The following CCZ1 variants were observed in gnomAD, a reference collection of about 807,000 sequenced individuals.
CCZ1 encodes the protein CCZ1 vacuolar protein trafficking and biogenesis associated, also known as vacuolar fusion protein CCZ1 homolog.
CCZ1 carries 19 observed loss-of-function variants against 57.8 expected under a neutral mutation model. That is an observed-to-expected ratio of 0.33 (90% CI 0.23 to 0.48). CCZ1 has a LOEUF of 0.48. CCZ1 is among the 20% of genes least tolerant of loss of function. The pLI is 0.99. For missense variants in CCZ1, 200 were observed against 492.0 expected, an observed-to-expected ratio of 0.41 and a Z score of 5.61; for synonymous variants, 81 against 167.0, an observed-to-expected ratio of 0.49 and a Z score of 3.97.
chr7:5,920,520 A>G (rs1583192438), intron 12 of CCZ1, among the ~76,000 whole-genome samples: 1 of 95,706 alleles, frequency 1.0e-5, no homozygotes, highest in African/African-American at 4.3e-5. Context: ...CCCAGGCTGG[A>G]GTGTGCAGTG....
intron 1 of CCZ1, among the ~76,000 whole-genome samples, chr7:5,899,826 T>G (rs1446998227): frequency 6.6e-6 from 1 of 151,746 alleles, no homozygotes; most frequent in South Asian, 2.1e-4. Context: ...GATTTAATTT[T>G]CAGGGAGCTA....
At chr7:5,910,900 T>C (rs1332221937) in intron 8 of CCZ1, among the ~76,000 whole-genome samples, 2 of 146,286 alleles carry the variant, frequency 1.4e-5, no homozygotes, top group Non-Finnish European at 3.0e-5. Context: ...CATGCCCGGC[T>C]AATTTTTATA....
At chr7:5,902,427 T>G (rs879569538) in intron 5 of CCZ1, 2 of 623,420 alleles carry the variant, frequency 3.2e-6, no homozygotes, top group Non-Finnish European at 4.5e-6. Flanking sequence ...TTGAAATTTT[T>G]GAAAGATGCC....
chr7:5,908,324 C>CGT (rs1781883134), intron 7 of CCZ1, among the ~76,000 whole-genome samples: 1 of 101,450 alleles, frequency 9.9e-6, no homozygotes, highest in South Asian at 3.0e-4. Flanking sequence ...GAAAAAAAAA[C>CGT]TTGTCACAAG....
At chr7:5,909,062 A>G (rs1781902204) in intron 7 of CCZ1, among the ~76,000 whole-genome samples, 1 of 146,208 alleles carries the variant, frequency 6.8e-6, no homozygotes, top group African/African-American at 2.5e-5. Flanking sequence ...GGTTTCCTGC[A>G]TAATCCTACA....
chr7:5,911,082 G>A (rs1395881206), intron 8 of CCZ1, among the ~76,000 whole-genome samples: 2 of 148,908 alleles, frequency 1.3e-5, no homozygotes, highest in Non-Finnish European at 3.0e-5. Flanking sequence ...TAAAATGCCA[G>A]TGATCTTTAA....
rs538206685 is a variant in CCZ1 at position 5,900,386 on chromosome 7, T to A, written c.218+5T>A. Reference sequence around the variant, plus strand: ...AGCTATTGTACAGTTTACAAGGTAATACCTCTAAGTGTGCTTTTAGCGTTC... The same window carrying A: ...AGCTATTGTACAGTTTACAAGGTAAAACCTCTAAGTGTGCTTTTAGCGTTC... On this transcript the variant is annotated splice_donor_5th_base_variant and intron_variant, in intron 2 of 14. Coordinates refer to ENST00000325974, the MANE Select transcript of CCZ1 (RefSeq NM_015622.6). 6 of 1,555,994 alleles carry A rather than the reference T, an allele frequency of 3.9e-6. No individual in the cohort carries two copies. The highest frequency in any genetic ancestry group is 3.5e-5 in the South Asian group (3 of 86,458).
chr7:5,906,960 T>A (rs1348787680), intron 7 of CCZ1, among the ~76,000 whole-genome samples: 3 of 148,040 alleles, frequency 2.0e-5, no homozygotes, highest in African/African-American at 7.5e-5. Flanking sequence ...CCCTGCCTCC[T>A]GGGTTCAAGC....
rs150498434 is a variant in CCZ1 at position 5,902,972 on chromosome 7, C to T, written c.522+228C>T. On this transcript the variant is annotated intron_variant, in intron 6 of 14. Coordinates refer to ENST00000325974, the MANE Select transcript of CCZ1 (RefSeq NM_015622.6). ...TAAGGCAGAGCTTCCTGCGTTTGCC[C>T]GGGGCTCTTAAAGGGTCCTGGAGAC... Among the ~76,000 whole-genome samples, 19 of 145,064 alleles carry T rather than the reference C, an allele frequency of 1.3e-4. 4 individuals are homozygous for T. In the East Asian group the frequency reaches 1.7e-3, roughly 13 times the overall value.
intron 3 of CCZ1, 79 bp downstream of exon 3, chr7:5,900,645 A>C: frequency 7.2e-7 from 1 of 1,382,552 alleles, no homozygotes; most frequent in Non-Finnish European, 9.6e-7. Flanking sequence ...AATTTAGGAA[A>C]GTTCTCTGGC....
At chr7:5,903,376 C>A (rs1162297702) in intron 6 of CCZ1, among the ~76,000 whole-genome samples, 1 of 145,328 alleles carries the variant, frequency 6.9e-6, no homozygotes, top group Non-Finnish European at 1.5e-5. Flanking sequence ...TCCTTGGCCT[C>A]CCAAAGTGCT....
rs939785339 is a variant in CCZ1, at chr7:5,905,402, T to C, written c.698+133T>C. ...TGGGTAGGAAGCATCTTCATAGATA[T>C]TGTCAAAATAAAGCAGTGATTATTT... is the stretch of plus-strand genomic sequence containing the variant. On this transcript the variant is annotated intron_variant, in intron 7 of 14. Transcript: ENST00000325974. 28 of 583,586 alleles carry C rather than the reference T, an allele frequency of 4.8e-5. 1 individual carries two copies. Among genetic ancestry groups the C allele is most frequent in the South Asian group, 8.5e-5 (4 of 46,936 alleles). 36.2% of individuals were successfully genotyped at this position (583,586 alleles called of 1,614,324 possible).
intron 6 of CCZ1, 24 bp downstream of exon 6, chr7:5,902,768 T>C (rs1233893851): frequency 1.4e-5 from 22 of 1,587,352 alleles, no homozygotes; most frequent in Non-Finnish European, 1.9e-5. Context: ...ATTTCATTTA[T>C]AACTTTAGTA....
At chr7:5,899,383 G>GTGTGTGTGTGT (rs1781631584) in intron 1 of CCZ1, among the ~76,000 whole-genome samples, 1 of 94,642 alleles carries the variant, frequency 1.1e-5, no homozygotes, top group Non-Finnish European at 2.3e-5. Flanking sequence ...GTGTGTGTGT[G>GTGTGTGTGTGT]GTTTTTCTGA....
intron 5 of CCZ1, 123 bp from the exon 6 acceptor site, chr7:5,902,538 T>G (rs886624027): frequency 2.0e-5 from 28 of 1,370,148 alleles, no homozygotes; most frequent in South Asian, 1.6e-4. Flanking sequence ...ATATTCTCTG[T>G]TGGAAAGAAC....
At chr7:5,913,554 T>TGAGGG (rs1223601953) in intron 10 of CCZ1, among the ~76,000 whole-genome samples, 1 of 147,760 alleles carries the variant, frequency 6.8e-6, no homozygotes, top group Non-Finnish European at 1.5e-5. Context: ...TGTGTCAGGA[T>TGAGGG]GAGGGAGTCC....
rs917019945 is a variant in CCZ1, at chr7:5,901,536, G to C, written c.391-121G>C. On this transcript the variant is annotated intron_variant, in intron 4 of 14. Transcript: ENST00000325974. Reference sequence around the variant, plus strand: ...ACTTTTTTTTCAGCACGCAACTATTGTGGGACAAAGTTTATAAACATTATA... The same window carrying C: ...ACTTTTTTTTCAGCACGCAACTATTCTGGGACAAAGTTTATAAACATTATA... The C allele has an allele frequency of 1.1e-4, 152 of 1,361,004 alleles. 10 individuals are homozygous for C. The highest frequency in any genetic ancestry group is 3.9e-4 in the Middle Eastern group (2 of 5,148). 84.3% of individuals were successfully genotyped at this position (1,361,004 alleles called of 1,614,324 possible). A position where few individuals can be genotyped will look rare whatever the true frequency, so the allele number is the denominator to read the frequency against.
chr7:5,914,445 A>AAC (rs1779108904), intron 10 of CCZ1, among the ~76,000 whole-genome samples: 1 of 148,668 alleles, frequency 6.7e-6, no homozygotes, highest in African/African-American at 2.5e-5. Context: ...AAAATAATGA[A>AAC]ACTGGTATCA....
rs2128610428 is a variant in CCZ1 at position 5,901,920 on chromosome 7, T to C, written c.438+216T>C. ...CCCTTCTCTTTTCTCAGCCTTATAGTAGGAATGTGTCCCCATTGATGAAAA... is the reference window on the plus strand; with the variant it reads ...CCCTTCTCTTTTCTCAGCCTTATAGCAGGAATGTGTCCCCATTGATGAAAA... On this transcript the variant is annotated intron_variant, in intron 5 of 14. Coordinates refer to ENST00000325974, the MANE Select transcript of CCZ1 (RefSeq NM_015622.6). 1.0e-5 allele frequency: 5 copies of C among 497,486 alleles called. 1 individual carries two copies. The highest frequency in any genetic ancestry group is 3.4e-5 in the Admixed American group (1 of 29,606). The allele number at this position is 497,486 out of a possible 1,614,324, so 30.8% of individuals were successfully genotyped here. A position where few individuals can be genotyped will look rare whatever the true frequency, so the allele number is the denominator to read the frequency against.
Sources: allele counts gnomAD v4.1 joint callset (sites outside exome capture counted in the v4.1 genomes callset), GRCh38; gene constraint gnomAD v4.1.1; transcripts MANE v1.5; gene names NCBI Gene and HGNC (gene_info 2026-07-23, HGNC 2026-07-21).